Variants in RABGAP1L observed in about 807,000 individuals in gnomAD.
RABGAP1L encodes RAB GTPase activating protein 1 like.
In RABGAP1L, 63 loss-of-function variants were observed where a neutral mutation model predicts 137.7. That is an observed-to-expected ratio of 0.46 (90% CI 0.37 to 0.56). The LOEUF (loss-of-function observed/expected upper bound fraction) is 0.56. Ranked by LOEUF, RABGAP1L falls within the 20% of genes least tolerant of loss-of-function variation. RABGAP1L has a pLI of 0.00. For missense variants in RABGAP1L, 1,095 were observed against 1,244.0 expected, an observed-to-expected ratio of 0.88 and a Z score of 1.80; for synonymous variants, 431 against 433.7, an observed-to-expected ratio of 0.99 and a Z score of 0.08.
chr1:174,388,303 A>G (rs1215881839), intron 12 of RABGAP1L, among the ~76,000 whole-genome samples: 3 of 152,072 alleles, frequency 2.0e-5, no homozygotes, highest in African/African-American at 4.8e-5. Context: ...TAAATACACT[A>G]TCAGAAAGAT....
intron 19 of RABGAP1L, among the ~76,000 whole-genome samples, chr1:174,868,079 C>T (rs1651593741): frequency 1.3e-5 from 2 of 152,054 alleles, no homozygotes; most frequent in Non-Finnish European, 2.9e-5. Context: ...CTCAGCCTCC[C>T]GAGTAGCTAG....
chr1:174,647,586 A>C (rs187766532), intron 14 of RABGAP1L, among the ~76,000 whole-genome samples: 1 of 151,704 alleles, frequency 6.6e-6, no homozygotes, highest in East Asian at 1.9e-4. Context: ...AAGCTTTTTC[A>C]TTTGCTACTG....
chr1:174,258,448 C>T (rs924275460), intron 7 of RABGAP1L, among the ~76,000 whole-genome samples: 3 of 152,190 alleles, frequency 2.0e-5, no homozygotes, highest in Non-Finnish European at 2.9e-5. Flanking sequence ...TCATTCTTAG[C>T]TAATTAAACA....
chr1:174,478,691 AAATG>A (rs1658766028), intron 13 of RABGAP1L, among the ~76,000 whole-genome samples: 1 of 152,220 alleles, frequency 6.6e-6, no homozygotes. Flanking sequence ...TTGAATTTAT[AAATG>A]AATAAGTTCT....
chr1:174,662,142 C>T (rs1389162935), intron 14 of RABGAP1L, among the ~76,000 whole-genome samples: 5 of 123,336 alleles, frequency 4.1e-5, no homozygotes, highest in East Asian at 5.0e-4. Context: ...CTGGCTCTGT[C>T]GCCCAGGCTG....
At chr1:174,212,946 G>T (rs1669010385) in intron 1 of RABGAP1L, among the ~76,000 whole-genome samples, 1 of 152,096 alleles carries the variant, frequency 6.6e-6, no homozygotes, top group African/African-American at 2.4e-5. Flanking sequence ...TAGAAGAAAT[G>T]GCTAAATTCC....
chr1:174,209,384 C>A (rs751860101), intron 1 of RABGAP1L, among the ~76,000 whole-genome samples: 51 of 152,046 alleles, frequency 3.4e-4, no homozygotes, highest in Non-Finnish European at 6.6e-4. Context: ...GGAATGAGTC[C>A]CAGGCCAGCC....
chr1:174,981,982 C>G (rs909550911), intron 23 of RABGAP1L, among the ~76,000 whole-genome samples: 1 of 152,146 alleles, frequency 6.6e-6, no homozygotes, highest in Non-Finnish European at 1.5e-5. Context: ...CCCAAGCTCA[C>G]AAAGCTATAA....
intron 19 of RABGAP1L, among the ~76,000 whole-genome samples, chr1:174,895,983 G>T (rs1027211172): frequency 1.3e-5 from 2 of 152,192 alleles, no homozygotes; most frequent in African/African-American, 4.8e-5. Flanking sequence ...GGGTCAAATG[G>T]TATTTCTAGT....
chr1:174,868,035 T>A (rs1317602023), intron 19 of RABGAP1L, among the ~76,000 whole-genome samples: 18 of 152,090 alleles, frequency 1.2e-4, no homozygotes, highest in Admixed American at 1.2e-3. Context: ...GCACGATCTC[T>A]GCTCACCGCA....
chr1:174,664,830 C>T (rs906922886), intron 14 of RABGAP1L, among the ~76,000 whole-genome samples: 2 of 149,684 alleles, frequency 1.3e-5, no homozygotes, highest in South Asian at 2.1e-4. Context: ...CTCTGCCTCC[C>T]GGGTTCAAGC....
At chr1:174,975,408 T>C (rs1358497411) in intron 21 of RABGAP1L, among the ~76,000 whole-genome samples, 2 of 152,268 alleles carry the variant, frequency 1.3e-5, no homozygotes, top group East Asian at 3.9e-4. Context: ...ATAGACATCA[T>C]CATTCTAGAA....
At chr1:174,429,925 A>T (rs1172554513) in intron 13 of RABGAP1L, among the ~76,000 whole-genome samples, 1 of 152,142 alleles carries the variant, frequency 6.6e-6, no homozygotes, top group Non-Finnish European at 1.5e-5. Context: ...AGCAACATAT[A>T]TTACTACATT....
intron 11 of RABGAP1L, among the ~76,000 whole-genome samples, chr1:174,332,904 A>G (rs1571262430): frequency 1.3e-5 from 2 of 152,228 alleles, no homozygotes; most frequent in African/African-American, 4.8e-5. Context: ...TAGCCAAGAT[A>G]TGGAGTCCAC....
At chr1:174,434,390 C>T (rs1653022509) in intron 13 of RABGAP1L, among the ~76,000 whole-genome samples, 2 of 152,000 alleles carry the variant, frequency 1.3e-5, no homozygotes, top group Admixed American at 6.6e-5. Flanking sequence ...TGTGCGTGGG[C>T]TGTTTCTGGT....
chr1:174,723,410 C>T (rs1681739056), intron 17 of RABGAP1L, among the ~76,000 whole-genome samples: 1 of 152,120 alleles, frequency 6.6e-6, no homozygotes, highest in Non-Finnish European at 1.5e-5. Flanking sequence ...TGAATATTGG[C>T]AGTTTCCTGT....
In RABGAP1L at chr1:174,221,120, C is replaced by T. The variant is rs1439478054; in HGVS notation, c.287C>T (p.Thr96Ile). The T allele has an allele frequency of 7.4e-6, 12 of 1,612,948 alleles. No homozygotes were observed. The highest frequency in any genetic ancestry group is 1.3e-5 in the African/African-American group (1 of 74,984). Residue 96 changes from threonine (T) to isoleucine (I), a missense_variant, in exon 3 of 26, where the codon ACA (threonine) becomes ATA (isoleucine). Coordinates refer to ENST00000681986, the MANE Select transcript of RABGAP1L (RefSeq NM_001366446.1). The part of the protein sequence containing the change: ...HSFGDIPASQ[T>I]NKPSLQLILD... ...TTTGGAGATATTCCAGCCAGCCAAA[C>T]AAATAAGCCATCTCTTCAGTTAATT...
intron 1 of RABGAP1L, among the ~76,000 whole-genome samples, chr1:174,189,562 A>G (rs1277871360): frequency 6.6e-6 from 1 of 152,228 alleles, no homozygotes; most frequent in East Asian, 1.9e-4. Context: ...AATATTGAGA[A>G]GTGTGGTTTT....
chr1:174,565,358 A>G (rs1434127677), intron 13 of RABGAP1L, among the ~76,000 whole-genome samples: 2 of 152,122 alleles, frequency 1.3e-5, no homozygotes, highest in East Asian at 1.9e-4. Flanking sequence ...TTGACATACT[A>G]TATCATCTAT....
Sources: gnomAD v4.1 joint callset for allele counts (sites outside exome capture counted in the v4.1 genomes callset) on GRCh38, gnomAD v4.1.1 for gene constraint, MANE v1.5 for transcripts, NCBI Gene and HGNC (gene_info 2026-07-23, HGNC 2026-07-21) for gene names.